BCR: variants seen among roughly 807,000 people sequenced by gnomAD.
The protein encoded by BCR is BCR activator of RhoGEF and GTPase.
A neutral mutation model predicts 138.6 loss-of-function variants in BCR; 58 were observed. The observed-to-expected ratio is 0.42, with a 90% CI of 0.34 to 0.52. BCR has a LOEUF of 0.52. Among genes scored for constraint, BCR ranks in the 20% least tolerant of loss-of-function variants. The probability of loss-of-function intolerance (pLI) is 0.06; values close to 1 mark genes in which losing one functional copy is unlikely to be tolerated. For synonymous variants in BCR, 786 were observed against 730.1 expected, an observed-to-expected ratio of 1.08 and a Z score of -1.23; for missense variants, 1,599 against 1,727.2, an observed-to-expected ratio of 0.93 and a Z score of 1.32.
chr22:23,273,105 G>A lies in BCR; in HGVS notation c.1946G>A (p.Arg649His), dbSNP rs573309619. ...LETLLYKPVD[R>H]VTRSTLVLHD... ...GCTCTGCTCTACAAGCCTGTGGACC[G>A]TGTGACGAGGAGCACGCTGGTCCTC... The change falls in exon 7 of 23, where the codon CGT (arginine) becomes CAT (histidine). Residue 649 changes from arginine to histidine, a missense_variant. Around this residue, in one of 4 missense-constraint regions of BCR, gnomAD observed 590 missense variants for 762.4 expected, o/e 0.77. Coordinates refer to ENST00000305877, the MANE Select transcript of BCR (RefSeq NM_004327.4). 1.2e-5 allele frequency: 20 copies of A among 1,613,514 alleles called. No individual in the cohort carries two copies. Among genetic ancestry groups the A allele is most frequent in the Admixed American group, 6.7e-5 (4 of 60,024 alleles).
chr22:23,306,354 C>T (rs2073954267), intron 16 of BCR: 1 of 152,300 alleles, frequency 6.6e-6, no homozygotes, highest in African/African-American at 2.4e-5. Context: ...GGGAGCAGGA[C>T]CTGAGCAGGG....
intron 16 of BCR, among the ~76,000 whole-genome samples, chr22:23,298,364 C>T (rs891079652): frequency 6.6e-6 from 1 of 152,050 alleles, no homozygotes; most frequent in African/African-American, 2.4e-5. Context: ...AATTTGGGCT[C>T]CTGAGAACAT....
At chr22:23,188,863 A>G (rs2072380128) in intron 1 of BCR, among the ~76,000 whole-genome samples, 1 of 151,896 alleles carries the variant, frequency 6.6e-6, no homozygotes, top group Non-Finnish European at 1.5e-5. Context: ...TGTAAAATTC[A>G]TGTTATATTT....
intron 15 of BCR, among the ~76,000 whole-genome samples, chr22:23,294,437 G>A (rs886396241): frequency 3.3e-5 from 5 of 152,202 alleles, no homozygotes; most frequent in Admixed American, 2.6e-4. Flanking sequence ...GTCTCACACT[G>A]TTGGCCAGCC....
At chr22:23,291,654 C>T (rs535475816) in intron 14 of BCR, among the ~76,000 whole-genome samples, 4 of 152,228 alleles carry the variant, frequency 2.6e-5, no homozygotes, top group African/African-American at 7.2e-5. Context: ...TTCCTTGCCC[C>T]GTGCACTCAA....
intron 1 of BCR, among the ~76,000 whole-genome samples, chr22:23,250,830 A>T (rs558141328): frequency 6.6e-6 from 1 of 152,306 alleles, no homozygotes; most frequent in African/African-American, 2.4e-5. Context: ...CTCTGTTAAA[A>T]TTAATAAATG....
intron 2 of BCR, among the ~76,000 whole-genome samples, chr22:23,257,063 G>A (rs1311818483): frequency 6.6e-6 from 1 of 152,008 alleles, no homozygotes; most frequent in Non-Finnish European, 1.5e-5. Flanking sequence ...CCCATAACTG[G>A]CACAAGCACA....
At chr22:23,282,082 G>T (rs77641529) in intron 8 of BCR, among the ~76,000 whole-genome samples, 1 of 152,216 alleles carries the variant, frequency 6.6e-6, no homozygotes, top group African/African-American at 2.4e-5. Context: ...GAAGGAAGGC[G>T]CCTGAGACCC....
chr22:23,242,086 A>G (rs1227237659), intron 1 of BCR, among the ~76,000 whole-genome samples: 3 of 152,202 alleles, frequency 2.0e-5, no homozygotes, highest in Non-Finnish European at 4.4e-5. Flanking sequence ...AAAAGCACAC[A>G]AATGTCATTA....
chr22:23,212,192 A>C (rs1237201341), intron 1 of BCR, among the ~76,000 whole-genome samples: 1 of 151,878 alleles, frequency 6.6e-6, no homozygotes, highest in African/African-American at 2.4e-5. Context: ...CGGGCTGGAG[A>C]GAGGAGAGAA....
intron 8 of BCR, among the ~76,000 whole-genome samples, chr22:23,282,236 C>T (rs1479166849): frequency 6.6e-6 from 1 of 152,230 alleles, no homozygotes; most frequent in Non-Finnish European, 1.5e-5. Flanking sequence ...CCGGCTTCAG[C>T]GCTCCAGCTC....
At chr22:23,261,594 C>T (rs981146114) in intron 4 of BCR, 54 bp downstream of exon 4, 4 of 1,578,218 alleles carry the variant, frequency 2.5e-6, no homozygotes, top group Admixed American at 3.6e-5. Context: ...CCACGTCCAG[C>T]TAATTTTTTG....
chr22:23,295,014 G>A lies in BCR; in HGVS notation c.2881-10G>A. ...TCACACTGGACTTCCCTTCTCCCTT[G>A]GGGCTGCAGGAATTTGAGATAGAGC... On this transcript the variant is annotated splice_polypyrimidine_tract_variant and intron_variant, in intron 15 of 22. Coordinates refer to ENST00000305877, the MANE Select transcript of BCR (RefSeq NM_004327.4). 1 of 1,613,626 alleles carries A rather than the reference G, an allele frequency of 6.2e-7. No individual in the cohort carries two copies. The highest frequency in any genetic ancestry group is 8.5e-7 in the Non-Finnish European group (1 of 1,179,672).
chr22:23,195,028 A>G (rs113080848), intron 1 of BCR, among the ~76,000 whole-genome samples: 5,684 of 151,978 alleles, frequency 0.037, 390 homozygotes, highest in African/African-American at 0.13. Flanking sequence ...TGTAATCCCA[A>G]CACTTTGGGA....
chr22:23,230,598 GT>G (rs2072946660), intron 1 of BCR, among the ~76,000 whole-genome samples: 1 of 152,236 alleles, frequency 6.6e-6, no homozygotes, highest in Non-Finnish European at 1.5e-5. Context: ...GTGTCCCAGG[GT>G]TTGCTCATTG....
chr22:23,273,251 C>A, intron 7 of BCR, 118 bp downstream of exon 7: 2 of 1,139,914 alleles, frequency 1.8e-6, no homozygotes, highest in Non-Finnish European at 2.5e-6. Flanking sequence ...GTGCTACTGG[C>A]ATCTAATGGG....
chr22:23,288,489 C>T lies in BCR; in HGVS notation c.2602+317C>T, dbSNP rs77429088. Among the ~76,000 whole-genome samples, 777 of 151,976 alleles carry T rather than the reference C, an allele frequency of 5.1e-3. 6 individuals carry two copies. The highest frequency in any genetic ancestry group is 0.017 in the African/African-American group (687 of 41,422). On this transcript the variant is annotated intron_variant, in intron 12 of 22. Transcript: ENST00000305877. Reference sequence around the variant, plus strand: ...CCCCTACACACACCCCTGCCATCTCCCCCTAGTCTGCTGCCCATACACCGC... The same window carrying T: ...CCCCTACACACACCCCTGCCATCTCTCCCTAGTCTGCTGCCCATACACCGC...
At chr22:23,223,945 AG>A (rs1694684666) in intron 1 of BCR, among the ~76,000 whole-genome samples, 1 of 152,162 alleles carries the variant, frequency 6.6e-6, no homozygotes, top group South Asian at 2.1e-4. Flanking sequence ...CCAAAGGCAC[AG>A]GCCCTGATGC....
At chr22:23,242,299 G>A (rs935442609) in intron 1 of BCR, among the ~76,000 whole-genome samples, 1 of 152,164 alleles carries the variant, frequency 6.6e-6, no homozygotes, top group African/African-American at 2.4e-5. Context: ...GGGTTACTTT[G>A]TTAAAGCATA....
Sources: gnomAD v4.1 joint callset for allele counts (sites outside exome capture counted in the v4.1 genomes callset) on GRCh38, gnomAD v4.1.1 for gene constraint, gnomAD v4.1.1 regional missense constraint, MANE v1.5 for transcripts, NCBI Gene and HGNC (gene_info 2026-07-23, HGNC 2026-07-21) for gene names.